Variants in MACIR observed in about 807,000 individuals in gnomAD.
MACIR encodes the protein UNC119-binding protein C5orf30.
MACIR carries 4 observed loss-of-function variants against 14.3 expected under a neutral mutation model. The observed-to-expected ratio is 0.28, with a 90% CI of 0.14 to 0.64. The LOEUF is 0.64. Among genes scored for constraint, MACIR ranks in the 30% least tolerant of loss-of-function variants. The pLI is 0.83. For synonymous variants in MACIR, 101 were observed against 102.4 expected (o/e 0.99, Z 0.08); for missense variants, 228 against 257.6 (o/e 0.89, Z 0.79).
chr5:103,263,240 C>CTCCTGCTCT (rs1554236472), intron 1 of MACIR, among the ~76,000 whole-genome samples: 28 of 150,532 alleles, frequency 1.9e-4, no homozygotes, highest in African/African-American at 4.2e-4. Context: ...CTTCCTCCTC[C>CTCCTGCTCT]TCCTCCTGCT....
intron 1 of MACIR, among the ~76,000 whole-genome samples, chr5:103,265,278 T>C (rs1385302883): frequency 6.6e-6 from 1 of 152,174 alleles, no homozygotes; most frequent in African/African-American, 2.4e-5. Context: ...AAGATTTACA[T>C]TGTTGCTGCT....
chr5:103,261,711 TTTC>T (rs1554236317), intron 1 of MACIR, among the ~76,000 whole-genome samples: 2 of 145,846 alleles, frequency 1.4e-5, no homozygotes, highest in Non-Finnish European at 1.5e-5. Context: ...TCTTCCTTTC[TTTC>T]TTTCTTTCTT....
chr5:103,264,247 A>G (rs1281543114), intron 1 of MACIR, among the ~76,000 whole-genome samples: 1 of 152,194 alleles, frequency 6.6e-6, no homozygotes, highest in Non-Finnish European at 1.5e-5. Context: ...TGTGACTCTC[A>G]TGTAGTATCA....
rs1326284765 is a variant in MACIR, at chr5:103,278,247, G to A, written c.*1707G>A. 6.0e-6 allele frequency: 1 copy of A among 166,710 alleles called. No individual in the cohort carries two copies. The highest frequency in any genetic ancestry group is 1.5e-5 in the Non-Finnish European group (1 of 68,082). The allele number at this position is 166,710 out of a possible 1,614,324, so 10.3% of individuals were successfully genotyped here. On this transcript the variant is annotated 3_prime_UTR_variant, in exon 3 of 3. Coordinates refer to ENST00000319933, the MANE Select transcript of MACIR (RefSeq NM_033211.4). ...ACAGTCATTAGTTTGACAAGAAATA[G>A]AATCCTGTCAGATGCCAAAGAGTGG...
At chr5:103,268,110 T>C (rs1430032737) in intron 2 of MACIR, among the ~76,000 whole-genome samples, 1 of 152,230 alleles carries the variant, frequency 6.6e-6, no homozygotes, top group Non-Finnish European at 1.5e-5. Flanking sequence ...GTTTCCAGTT[T>C]CGGTGTTTGT....
At position 103,271,768 on chromosome 5, in the gene MACIR, G is replaced by A. The variant is rs569557557; in HGVS notation, c.-23-4129G>A. Among the ~76,000 whole-genome samples the A allele has an allele frequency of 4.6e-5, 7 of 152,116 alleles. No individual in the cohort carries two copies. The South Asian group carries it at 8.3e-4, about 18-fold the overall frequency. ...AAGCATTGTTCAATTACAAGTTGACGTTTCTATTCTTGTTTCATTTTCTGT... is the reference window on the plus strand; with the variant it reads ...AAGCATTGTTCAATTACAAGTTGACATTTCTATTCTTGTTTCATTTTCTGT... On this transcript the variant is annotated intron_variant, in intron 2 of 2. Transcript: ENST00000319933.
intron 2 of MACIR, among the ~76,000 whole-genome samples, 165 bp from the exon 3 acceptor site, chr5:103,275,732 C>T (rs1298492818): frequency 2.6e-5 from 4 of 152,184 alleles, no homozygotes; most frequent in Admixed American, 2.6e-4. Flanking sequence ...ATTGTCATTT[C>T]ATGCCCGCTC....
chr5:103,263,346 C>T (rs1554236480), intron 1 of MACIR, among the ~76,000 whole-genome samples: 3 of 151,960 alleles, frequency 2.0e-5, no homozygotes, highest in Non-Finnish European at 4.4e-5. Context: ...TGTGTTGCTC[C>T]CTTGGACATT....
chr5:103,268,041 C>T (rs1554236866), intron 2 of MACIR, among the ~76,000 whole-genome samples: 1 of 152,090 alleles, frequency 6.6e-6, no homozygotes, highest in African/African-American at 2.4e-5. Context: ...GAGTGGTATC[C>T]ATTGTAGGGA....
chr5:103,265,795 T>G (rs1244024136), intron 1 of MACIR, 113 bp from the exon 2 acceptor site: 1 of 152,180 alleles, frequency 6.6e-6, no homozygotes, highest in Non-Finnish European at 1.5e-5. Flanking sequence ...TAACCTATAC[T>G]TGATGTTACT....
At position 103,276,246 on chromosome 5, in the gene MACIR, C is replaced by T. The variant is rs148904162; in HGVS notation, c.327C>T (p.Thr109=). ...CCCGTTCCTCTCGTTTGTATAAAACCAGAAGTAGGTACTACCAGCCATACG... is the reference window on the plus strand; with the variant it reads ...CCCGTTCCTCTCGTTTGTATAAAACTAGAAGTAGGTACTACCAGCCATACG... The part of the protein sequence containing the change: ...GLARSSRLYK[T]RSRYYQPYEI... The change falls in exon 3 of 3, where the codon ACC becomes ACT. Residue 109 remains threonine, a synonymous_variant. Coordinates refer to ENST00000319933, the MANE Select transcript of MACIR (RefSeq NM_033211.4). 3.1e-6 allele frequency: 5 copies of T among 1,612,396 alleles called. No homozygotes were observed. The highest frequency in any genetic ancestry group is 1.7e-5 in the Admixed American group (1 of 59,740).
chr5:103,260,624 T>C (rs1188660478), intron 1 of MACIR, among the ~76,000 whole-genome samples: 1 of 152,242 alleles, frequency 6.6e-6, no homozygotes, highest in Non-Finnish European at 1.5e-5. Context: ...ATTATTTCAG[T>C]GTATAAGATA....
intron 2 of MACIR, among the ~76,000 whole-genome samples, chr5:103,266,509 G>A (rs958296749): frequency 1.3e-5 from 2 of 152,002 alleles, no homozygotes; most frequent in Non-Finnish European, 2.9e-5. Context: ...GAATTTAAAC[G>A]GTTAAAAATA....
At chr5:103,272,734 C>T (rs1805179618) in intron 2 of MACIR, among the ~76,000 whole-genome samples, 1 of 152,060 alleles carries the variant, frequency 6.6e-6, no homozygotes, top group South Asian at 2.1e-4. Flanking sequence ...TAAAACGAAT[C>T]CTTTAGAAAA....
At chr5:103,263,036 A>G (rs1554236427) in intron 1 of MACIR, among the ~76,000 whole-genome samples, 1 of 152,202 alleles carries the variant, frequency 6.6e-6, no homozygotes, top group African/African-American at 2.4e-5. Context: ...TTTTTATATT[A>G]CAATCTTTTA....
rs1554237781 is a variant in MACIR at position 103,276,589 on chromosome 5, A to G, written c.*49A>G. 3 of 1,535,872 alleles carry G rather than the reference A, an allele frequency of 2.0e-6. No individual in the cohort carries two copies. The highest frequency in any genetic ancestry group is 4.0e-5 in the Admixed American group (2 of 50,244). ...AATTTAGGTCAGCCTACGCTTGGCT[A>G]GAAAAAACCCACTGCTGTACTCTGT... On this transcript the variant is annotated 3_prime_UTR_variant, in exon 3 of 3. Coordinates refer to ENST00000319933, the MANE Select transcript of MACIR (RefSeq NM_033211.4).
chr5:103,273,533 G>T (rs1383935741), intron 2 of MACIR, among the ~76,000 whole-genome samples: 2 of 151,960 alleles, frequency 1.3e-5, no homozygotes, highest in African/African-American at 4.8e-5. Flanking sequence ...TCTCTAAACC[G>T]TTGTCTCCTT....
chr5:103,275,373 C>T (rs1554237537), intron 2 of MACIR, among the ~76,000 whole-genome samples: 1 of 152,164 alleles, frequency 6.6e-6, no homozygotes, highest in African/African-American at 2.4e-5. Flanking sequence ...TTCGTCAGCT[C>T]AATCAACTTT....
At chr5:103,269,374 A>T (rs1197235483) in intron 2 of MACIR, among the ~76,000 whole-genome samples, 1 of 152,118 alleles carries the variant, frequency 6.6e-6, no homozygotes, top group Non-Finnish European at 1.5e-5. Context: ...TCTTAACATG[A>T]TGACATTTTT....
Sources: gnomAD v4.1 joint callset for allele counts (sites outside exome capture counted in the v4.1 genomes callset) on GRCh38, gnomAD v4.1.1 for gene constraint, MANE v1.5 for transcripts, NCBI Gene and HGNC (gene_info 2026-07-23, HGNC 2026-07-21) for gene names.